Variants in PKHD1 observed in about 807,000 individuals in gnomAD.
PKHD1 encodes fibrocystin.
A neutral mutation model predicts 412.0 loss-of-function variants in PKHD1; 291 were observed. That is an observed-to-expected ratio of 0.71 (90% CI 0.64 to 0.78). The LOEUF is 0.78. Ranked by LOEUF, PKHD1 falls within the 30% of genes least tolerant of loss-of-function variation. The pLI is 0.00. For missense variants in PKHD1, 4,825 were observed against 4,950.7 expected (o/e 0.97, Z 0.76); for synonymous variants, 1,777 against 1,821.5 (o/e 0.98, Z 0.62).
intron 35 of PKHD1, among the ~76,000 whole-genome samples, chr6:51,982,198 C>A (rs1277880745): frequency 1.1e-4 from 4 of 36,372 alleles, no homozygotes; most frequent in East Asian, 6.1e-4. Context: ...GGGGGTCAGC[C>A]CCCCGCCCGG....
chr6:51,808,549 T>A (rs1415625755), intron 52 of PKHD1, among the ~76,000 whole-genome samples: 2 of 152,072 alleles, frequency 1.3e-5, no homozygotes, highest in Non-Finnish European at 2.9e-5. Context: ...TGTGTGTTTA[T>A]GTATGTGTGT....
chr6:51,958,121 C>G (rs187187102), intron 36 of PKHD1, among the ~76,000 whole-genome samples: 2 of 152,140 alleles, frequency 1.3e-5, no homozygotes, highest in African/African-American at 4.8e-5. Context: ...AAAACCTCAG[C>G]GTTTCACTCT....
intron 52 of PKHD1, among the ~76,000 whole-genome samples, chr6:51,824,502 TTCTC>T (rs1366909767): frequency 5.3e-5 from 8 of 152,288 alleles, no homozygotes; most frequent in Non-Finnish European, 8.8e-5. Flanking sequence ...AGGTCTATGA[TTCTC>T]TCTAAGAAAT....
chr6:52,043,794 G>C, intron 25 of PKHD1, 64 bp from the exon 26 acceptor site: 1 of 1,157,946 alleles, frequency 8.6e-7, no homozygotes, highest in Non-Finnish European at 1.3e-6. Flanking sequence ...TATTCATAAA[G>C]TATATGTGAA....
chr6:51,922,763 T>A (rs941233578), intron 37 of PKHD1, among the ~76,000 whole-genome samples: 1 of 152,104 alleles, frequency 6.6e-6, no homozygotes, highest in Non-Finnish European at 1.5e-5. Context: ...CGGGATATAA[T>A]CTCCTGGTGT....
intron 33 of PKHD1, among the ~76,000 whole-genome samples, chr6:52,019,968 CAT>C (rs2128133883): frequency 6.6e-6 from 1 of 152,196 alleles, no homozygotes; most frequent in African/African-American, 2.4e-5. Flanking sequence ...GTAAAGAAAA[CAT>C]ATTAGTTCTG....
Position 51,959,851 on chromosome 6 carries a change from A to G in PKHD1, c.5908+19T>C, listed in dbSNP as rs762848183. 1 of 1,606,920 alleles carries G rather than the reference A, an allele frequency of 6.2e-7. No homozygotes were observed. On this transcript the variant is annotated intron_variant, in intron 36 of 66. Transcript: ENST00000371117. ...ATAATCATATAGAATAATATTACCA[A>G]CCTACAAACTTCACACACCTTTAAT... is the stretch of plus-strand genomic sequence containing the variant.
chr6:52,080,312 T>G (rs1811856912), intron 4 of PKHD1, among the ~76,000 whole-genome samples: 1 of 152,224 alleles, frequency 6.6e-6, no homozygotes, highest in African/African-American at 2.4e-5. Context: ...TGATAATCTA[T>G]TCCCCATTTC....
intron 43 of PKHD1, among the ~76,000 whole-genome samples, chr6:51,895,660 G>A (rs1441671152): frequency 6.6e-6 from 1 of 152,090 alleles, no homozygotes; most frequent in Non-Finnish European, 1.5e-5. Flanking sequence ...GGTCACCGGA[G>A]GAGCCAAGAT....
At chr6:51,998,312 T>G (rs2128091870) in intron 35 of PKHD1, among the ~76,000 whole-genome samples, 1 of 152,100 alleles carries the variant, frequency 6.6e-6, no homozygotes, top group Non-Finnish European at 1.5e-5. Flanking sequence ...CTATCAAACT[T>G]CAAAAGGCTG....
intron 40 of PKHD1, among the ~76,000 whole-genome samples, chr6:51,908,057 C>T (rs529908526): frequency 1.1e-3 from 162 of 151,904 alleles, no homozygotes; most frequent in African/African-American, 3.6e-3. Context: ...CTGAATTGGC[C>T]GCATGTCAAA....
chr6:51,962,177 G>T (rs1328278479), intron 35 of PKHD1, among the ~76,000 whole-genome samples: 1 of 152,064 alleles, frequency 6.6e-6, no homozygotes, highest in Non-Finnish European at 1.5e-5. Flanking sequence ...TAAGAAATAT[G>T]AAGACTTCAG....
intron 64 of PKHD1, among the ~76,000 whole-genome samples, chr6:51,635,858 T>TGG (rs1189431938): frequency 2.4e-3 from 39 of 16,446 alleles, no homozygotes; most frequent in Non-Finnish European, 3.9e-3. Flanking sequence ...GTGGTGAAGG[T>TGG]GGGGGGGGGC....
chr6:51,644,848 T>A (rs1484799685), intron 63 of PKHD1, among the ~76,000 whole-genome samples: 1 of 152,106 alleles, frequency 6.6e-6, no homozygotes, highest in Non-Finnish European at 1.5e-5. Context: ...TCTACCTAAT[T>A]TTCGTATTAT....
At chr6:51,741,284 A>C (rs1771731515) in intron 60 of PKHD1, 4 of 494,236 alleles carry the variant, frequency 8.1e-6, no homozygotes, top group Non-Finnish European at 1.6e-5. Context: ...TGCCACACCC[A>C]TGTATTTTTG....
chr6:51,710,052 T>C (rs1780472524), intron 60 of PKHD1, among the ~76,000 whole-genome samples: 2 of 151,822 alleles, frequency 1.3e-5, no homozygotes, highest in African/African-American at 4.8e-5. Flanking sequence ...GTACTAAAAA[T>C]ACAAAAAATT....
intron 9 of PKHD1, among the ~76,000 whole-genome samples, 172 bp from the exon 10 acceptor site, chr6:52,070,617 CA>C (rs11397618): frequency 9.7e-4 from 142 of 145,904 alleles, no homozygotes; most frequent in East Asian, 3.2e-3. Context: ...AAAACAAAAA[CA>C]AAAAAAAAAC....
At chr6:51,728,808 A>G (rs916416339) in intron 60 of PKHD1, among the ~76,000 whole-genome samples, 5 of 152,264 alleles carry the variant, frequency 3.3e-5, no homozygotes, top group Admixed American at 6.5e-5. Context: ...GAAAACTTGT[A>G]CAAAAACCAG....
chr6:51,978,574 G>A (rs959581134), intron 35 of PKHD1, among the ~76,000 whole-genome samples: 9 of 152,124 alleles, frequency 5.9e-5, no homozygotes, highest in African/African-American at 1.9e-4. Context: ...GGAAGTTTGG[G>A]GTTCTTTATT....
Sources: gnomAD v4.1 joint callset for allele counts (sites outside exome capture counted in the v4.1 genomes callset) on GRCh38, gnomAD v4.1.1 for gene constraint, MANE v1.5 for transcripts, NCBI Gene and HGNC (gene_info 2026-07-23, HGNC 2026-07-21) for gene names.